Variants in ERC1 observed in about 807,000 individuals in gnomAD.
ERC1 encodes the protein RAB6 interacting protein 2.
A neutral mutation model predicts 132.0 loss-of-function variants in ERC1; 56 were observed. That is an observed-to-expected ratio of 0.42 (90% CI 0.34 to 0.53). The LOEUF is 0.53. Among genes scored for constraint, ERC1 ranks in the 20% least tolerant of loss-of-function variants. ERC1 has a pLI of 0.03. For synonymous variants in ERC1, 478 were observed against 476.1 expected, an observed-to-expected ratio of 1.00 and a Z score of -0.05; for missense variants, 1,202 against 1,349.9, an observed-to-expected ratio of 0.89 and a Z score of 1.72.
chr12:1,219,738 C>G (rs1958793584), intron 12 of ERC1, among the ~76,000 whole-genome samples: 1 of 151,684 alleles, frequency 6.6e-6, no homozygotes. Flanking sequence ...CAGGCTCAAG[C>G]CATCCTCCCA....
chr12:1,106,155 A>T (rs1293510263), intron 4 of ERC1, among the ~76,000 whole-genome samples: 1 of 152,206 alleles, frequency 6.6e-6, no homozygotes, highest in East Asian at 1.9e-4. Context: ...TTTATCAACA[A>T]ATGGTGATAG....
intron 2 of ERC1, among the ~76,000 whole-genome samples, chr12:1,050,131 G>A (rs1342919293): frequency 1.3e-5 from 2 of 152,152 alleles, no homozygotes; most frequent in Non-Finnish European, 2.9e-5. Context: ...CTCCTGGGGT[G>A]GGGATACCCG....
At chr12:1,288,932 G>A (rs920551951) in intron 14 of ERC1, among the ~76,000 whole-genome samples, 6 of 151,764 alleles carry the variant, frequency 4.0e-5, no homozygotes, top group African/African-American at 1.4e-4. Context: ...TACTTACCTT[G>A]CTCTCTTAGT....
chr12:1,478,327 CTG>C (rs141176773), intron 18 of ERC1, among the ~76,000 whole-genome samples: 6,216 of 152,278 alleles, frequency 0.041, 169 homozygotes, highest in Middle Eastern at 0.065. Flanking sequence ...TTTTATATGT[CTG>C]TTAACCATTT....
chr12:1,127,125 GTAAA>G, intron 7 of ERC1, among the ~76,000 whole-genome samples: 1 of 151,710 alleles, frequency 6.6e-6, no homozygotes, highest in East Asian at 1.9e-4. Flanking sequence ...AATCTTACTA[GTAAA>G]TAAAGAAATG....
At chr12:1,289,442 C>T (rs2154339884) in intron 14 of ERC1, among the ~76,000 whole-genome samples, 1 of 152,006 alleles carries the variant, frequency 6.6e-6, no homozygotes, top group East Asian at 1.9e-4. Flanking sequence ...TACAGGAAAT[C>T]TGTTATTTGC....
chr12:1,378,729 C>T (rs1443256616), intron 16 of ERC1, among the ~76,000 whole-genome samples: 5 of 152,144 alleles, frequency 3.3e-5, no homozygotes, highest in Non-Finnish European at 7.3e-5. Context: ...TTTTCTCTGT[C>T]CTATTTTCTG....
intron 15 of ERC1, among the ~76,000 whole-genome samples, chr12:1,307,572 C>T (rs1287186363): frequency 6.6e-6 from 1 of 152,210 alleles, no homozygotes; most frequent in Non-Finnish European, 1.5e-5. Context: ...CTTGTTTTCA[C>T]TTTTAAAACC....
At position 1,135,475 on chromosome 12, in the gene ERC1, G is replaced by T. The variant is rs530478319; in HGVS notation, c.1570-6145G>T. ...TGGGTGTTTTGTAGCAGTAGGTGTG[G>T]TGGGCTGAATAGTATCCTCCATAAA... is the stretch of plus-strand genomic sequence containing the variant. On this transcript the variant is annotated intron_variant, in intron 7 of 18. Transcript: ENST00000360905. Among the ~76,000 whole-genome samples the T allele has an allele frequency of 1.4e-4, 21 of 152,266 alleles. No individual in the cohort carries two copies. The East Asian group carries it at 3.9e-3, about 28-fold the overall frequency.
At position 1,077,709 on chromosome 12, in the gene ERC1, G is replaced by A. The variant is rs192263681; in HGVS notation, c.670-5455G>A. On this transcript the variant is annotated intron_variant, in intron 2 of 18. Coordinates refer to ENST00000360905, the MANE Select transcript of ERC1 (RefSeq NM_178040.4). ...ACATTCTAGTATTATCTTACAACTC[G>A]ATCTTTCCTTAAACTCAATGTATCT... is the stretch of plus-strand genomic sequence containing the variant. Among the ~76,000 whole-genome samples, 129 of 152,230 alleles carry A rather than the reference G, an allele frequency of 8.5e-4. 1 individual carries two copies. Among genetic ancestry groups the A allele is most frequent in the Non-Finnish European group, 1.5e-3 (104 of 67,986 alleles).
At chr12:1,031,608 C>A (rs1049166972) in intron 2 of ERC1, among the ~76,000 whole-genome samples, 1 of 152,258 alleles carries the variant, frequency 6.6e-6, no homozygotes, top group East Asian at 1.9e-4. Context: ...TAACTTCAAA[C>A]TACTTTGCTT....
At chr12:1,312,545 G>C (rs2081382846) in intron 15 of ERC1, among the ~76,000 whole-genome samples, 1 of 152,126 alleles carries the variant, frequency 6.6e-6, no homozygotes. Flanking sequence ...TTTTAGTAGA[G>C]ACGAGGTTTC....
chr12:1,208,963 T>A, intron 12 of ERC1, among the ~76,000 whole-genome samples: 1 of 106,020 alleles, frequency 9.4e-6, no homozygotes, highest in African/African-American at 5.1e-5. Flanking sequence ...GCTGATTTTT[T>A]TTTTTTTTTT....
chr12:1,173,945 T>C (rs1953380998), intron 8 of ERC1, among the ~76,000 whole-genome samples: 1 of 152,002 alleles, frequency 6.6e-6, no homozygotes, highest in Non-Finnish European at 1.5e-5. Flanking sequence ...GGGGCTCAGC[T>C]GTTACCCATC....
intron 12 of ERC1, among the ~76,000 whole-genome samples, chr12:1,201,226 G>C (rs888539462): frequency 6.6e-6 from 1 of 152,040 alleles, no homozygotes; most frequent in African/African-American, 2.4e-5. Flanking sequence ...CTGAAATTGG[G>C]ATACACGTAC....
intron 13 of ERC1, among the ~76,000 whole-genome samples, chr12:1,260,548 G>A (rs114070094): frequency 0.01 from 1,538 of 152,256 alleles, 30 homozygotes; most frequent in African/African-American, 0.034. Context: ...TCTTACAGTG[G>A]CTCAACATTT....
At chr12:1,328,448 T>A (rs2082617377) in intron 15 of ERC1, among the ~76,000 whole-genome samples, 1 of 152,172 alleles carries the variant, frequency 6.6e-6, no homozygotes, top group Non-Finnish European at 1.5e-5. Flanking sequence ...CTGCCCTTAA[T>A]ACTTTTGAAA....
chr12:1,262,784 C>T (rs1190311355), intron 13 of ERC1, among the ~76,000 whole-genome samples: 1 of 152,204 alleles, frequency 6.6e-6, no homozygotes, highest in African/African-American at 2.4e-5. Flanking sequence ...CTCTCTGTTA[C>T]AGAGAGCAAA....
In ERC1 at chr12:1,155,497, A is replaced by G. The variant is rs535799698; in HGVS notation, c.1737+13710A>G. Among the ~76,000 whole-genome samples, 24 of 151,210 alleles carry G rather than the reference A, an allele frequency of 1.6e-4. 1 individual carries two copies. Among genetic ancestry groups the G allele is most frequent in the Non-Finnish European group, 2.8e-4 (19 of 67,824 alleles). ...TAAACTTTCCTTTTTTTTTTTTGAG[A>G]CGGAGTCTCGCTCTGTCGCCCAGGC... On this transcript the variant is annotated intron_variant, in intron 8 of 18. Transcript: ENST00000360905.
Sources: gnomAD v4.1 joint callset for allele counts (sites outside exome capture counted in the v4.1 genomes callset) on GRCh38, gnomAD v4.1.1 for gene constraint, MANE v1.5 for transcripts, NCBI Gene and HGNC (gene_info 2026-07-23, HGNC 2026-07-21) for gene names.